Variants in RBFOX1 observed in about 807,000 individuals in gnomAD.
The protein encoded by RBFOX1 is RNA binding fox-1 homolog 1, also known as RNA binding protein fox-1 homolog 1.
In RBFOX1, 8 loss-of-function variants were observed where a neutral mutation model predicts 57.7. The ratio of observed to expected loss-of-function variants is 0.14; its 90% CI spans 0.08 to 0.25. The LOEUF (loss-of-function observed/expected upper bound fraction) is 0.25, where lower values mean the gene tolerates loss of function less well. Among genes scored for constraint, RBFOX1 ranks in the 10% least tolerant of loss-of-function variants. The pLI, the probability that RBFOX1 is intolerant of heterozygous loss-of-function variation, is 1.00. For synonymous variants in RBFOX1, 326 were observed against 222.4 expected (o/e 1.47, Z -4.15); for missense variants, 611 against 548.5 (o/e 1.11, Z -1.14).
At chr16:5,255,238 G>C (rs1279986888) in intron 1 of RBFOX1, among the ~76,000 whole-genome samples, 1 of 151,758 alleles carries the variant, frequency 6.6e-6, no homozygotes, top group Non-Finnish European at 1.5e-5. Flanking sequence ...ACACACCCTA[G>C]GAAAATCACT....
intron 2 of RBFOX1, among the ~76,000 whole-genome samples, chr16:6,542,491 T>TTTTTTTTTTC: frequency 8.1e-6 from 1 of 123,566 alleles, no homozygotes. Context: ...GTCTTTTTTT[T>TTTTTTTTTTC]TTTTTTTTTT....
chr16:6,577,648 C>G (rs780900177), intron 2 of RBFOX1, among the ~76,000 whole-genome samples: 6 of 152,188 alleles, frequency 3.9e-5, no homozygotes, highest in Non-Finnish European at 8.8e-5. Context: ...TAGGAACCCA[C>G]CATGTCAATA....
intron 1 of RBFOX1, among the ~76,000 whole-genome samples, chr16:6,140,506 C>G (rs535948864): frequency 6.6e-6 from 1 of 152,242 alleles, no homozygotes; most frequent in East Asian, 1.9e-4. Flanking sequence ...AGAAATGCTT[C>G]TACTTTCTCC....
chr16:6,152,414 C>T (rs1227326862), intron 1 of RBFOX1, among the ~76,000 whole-genome samples: 1 of 152,100 alleles, frequency 6.6e-6, no homozygotes, highest in Non-Finnish European at 1.5e-5. Flanking sequence ...TTGAAACTCC[C>T]AGAGGCCTGT....
chr16:6,912,053 A>G (rs1363454148), intron 3 of RBFOX1, among the ~76,000 whole-genome samples: 1 of 152,238 alleles, frequency 6.6e-6, no homozygotes, highest in Middle Eastern at 3.2e-3. Flanking sequence ...TCTTTGAGAG[A>G]GAAGTTTTCT....
chr16:7,496,554 T>G (rs1034893721), intron 4 of RBFOX1, among the ~76,000 whole-genome samples: 7 of 152,266 alleles, frequency 4.6e-5, no homozygotes, highest in Admixed American at 3.3e-4. Context: ...AGTTTAATCA[T>G]CATCATCATC....
chr16:6,717,201 G>T (rs1426034171), intron 3 of RBFOX1, among the ~76,000 whole-genome samples: 1 of 152,000 alleles, frequency 6.6e-6, no homozygotes, highest in Admixed American at 6.6e-5. Context: ...CGACTAAAAT[G>T]GTGGGGAAAG....
At chr16:6,124,627 C>G (rs565865065) in intron 1 of RBFOX1, among the ~76,000 whole-genome samples, 4 of 152,146 alleles carry the variant, frequency 2.6e-5, no homozygotes, top group East Asian at 3.9e-4. Context: ...TTCAGCCTTC[C>G]GAGTAGTGAG....
At chr16:7,519,873 GTTTTGT>G (rs147274140) in intron 5 of RBFOX1, 12,044 of 373,550 alleles carry the variant, frequency 0.032, 418 homozygotes, top group East Asian at 0.095. Flanking sequence ...TAGTTTTGAC[GTTTTGT>G]TTTTGTTTTT....
intron 3 of RBFOX1, among the ~76,000 whole-genome samples, chr16:7,035,430 C>T (rs2044117326): frequency 6.6e-6 from 1 of 152,164 alleles, no homozygotes; most frequent in African/African-American, 2.4e-5. Flanking sequence ...ATGCACTGCA[C>T]ACAAAAAGAA....
rs1299199254 is a variant in RBFOX1 at position 7,082,169 on chromosome 16, G to A, written c.27+30071G>A. ...TATCTTGGTAAACTCCAGCCTTCTG[G>A]TTGGATATTTTAGCTACTGCAACAT... On this transcript the variant is annotated intron_variant, in intron 4 of 15. Coordinates refer to ENST00000550418, the MANE Select transcript of RBFOX1 (RefSeq NM_018723.4). Among the ~76,000 whole-genome samples, 4 of 152,228 alleles carry A rather than the reference G, an allele frequency of 2.6e-5. No individual in the cohort carries two copies. In the East Asian group the frequency reaches 5.8e-4, roughly 22 times the overall value.
At chr16:5,973,566 G>A (rs560300279) in intron 4 of RBFOX1, among the ~76,000 whole-genome samples, 9 of 152,292 alleles carry the variant, frequency 5.9e-5, no homozygotes, top group Non-Finnish European at 8.8e-5. Flanking sequence ...TTATTGTTAG[G>A]TTGCTTTGAT....
intron 3 of RBFOX1, among the ~76,000 whole-genome samples, chr16:6,930,295 T>G (rs4786951): frequency 6.6e-6 from 1 of 151,978 alleles, no homozygotes; most frequent in African/African-American, 2.4e-5. Context: ...CCAAAAGATA[T>G]ATACAAATGG....
intron 3 of RBFOX1, among the ~76,000 whole-genome samples, chr16:6,692,160 A>G (rs1162800463): frequency 1.3e-5 from 2 of 152,226 alleles, no homozygotes; most frequent in Non-Finnish European, 2.9e-5. Context: ...CCTATTTTAC[A>G]GATGACAAAA....
At chr16:6,785,745 T>C (rs2081850302) in intron 3 of RBFOX1, among the ~76,000 whole-genome samples, 1 of 152,190 alleles carries the variant, frequency 6.6e-6, no homozygotes, top group Non-Finnish European at 1.5e-5. Context: ...CCAATTCCAC[T>C]ATTGTTATCA....
At chr16:7,646,234 C>G (rs1334519208) in intron 11 of RBFOX1, among the ~76,000 whole-genome samples, 1 of 152,188 alleles carries the variant, frequency 6.6e-6, no homozygotes, top group Non-Finnish European at 1.5e-5. Context: ...GCACGATGCC[C>G]TGCCTCGGAA....
intron 1 of RBFOX1, among the ~76,000 whole-genome samples, chr16:5,272,120 G>T (rs1275073881): frequency 6.6e-6 from 1 of 152,192 alleles, no homozygotes; most frequent in Non-Finnish European, 1.5e-5. Flanking sequence ...GTACCCAGAA[G>T]TTGGGTTGCT....
At chr16:6,946,071 C>G (rs1318324588) in intron 3 of RBFOX1, among the ~76,000 whole-genome samples, 1 of 152,212 alleles carries the variant, frequency 6.6e-6, no homozygotes, top group South Asian at 2.1e-4. Context: ...AGCACCCTTT[C>G]CCCAGCAACC....
chr16:6,821,296 T>G (rs193093795), intron 3 of RBFOX1, among the ~76,000 whole-genome samples: 27 of 152,316 alleles, frequency 1.8e-4, no homozygotes, highest in Admixed American at 3.9e-4. Context: ...TGCTTTCCTC[T>G]CTTCCCTATT....
Sources: gnomAD v4.1 joint callset for allele counts (sites outside exome capture counted in the v4.1 genomes callset) on GRCh38, gnomAD v4.1.1 for gene constraint, MANE v1.5 for transcripts, NCBI Gene and HGNC (gene_info 2026-07-23, HGNC 2026-07-21) for gene names.